Variants in GRIA4 observed in about 807,000 individuals in gnomAD.
The protein encoded by GRIA4 is glutamate receptor 4.
Under a neutral mutation model 104.0 loss-of-function variants are expected in GRIA4, and 34 were observed. The ratio of observed to expected loss-of-function variants is 0.33; its 90% CI spans 0.25 to 0.44. The LOEUF (loss-of-function observed/expected upper bound fraction) is 0.44, where lower values mean the gene tolerates loss of function less well. Among genes scored for constraint, GRIA4 ranks in the 20% least tolerant of loss-of-function variants. The pLI is 1.00. For synonymous variants in GRIA4, 386 were observed against 381.9 expected, an observed-to-expected ratio of 1.01 and a Z score of -0.13; for missense variants, 750 against 1,096.5, an observed-to-expected ratio of 0.68 and a Z score of 4.46.
intron 14 of GRIA4, among the ~76,000 whole-genome samples, chr11:105,938,346 C>CT (rs937324665): frequency 1.3e-5 from 2 of 151,936 alleles, no homozygotes; most frequent in Non-Finnish European, 2.9e-5. Flanking sequence ...ATATTTTAGT[C>CT]TTTTTTTGGT....
At chr11:105,930,273 T>C (rs1463098601) in intron 13 of GRIA4, among the ~76,000 whole-genome samples, 1 of 152,098 alleles carries the variant, frequency 6.6e-6, no homozygotes, top group Non-Finnish European at 1.5e-5. Context: ...CTTCATCCCA[T>C]TGTCCTGTGT....
intron 4 of GRIA4, among the ~76,000 whole-genome samples, chr11:105,805,159 T>G (rs72985193): frequency 1.1e-3 from 160 of 152,034 alleles, no homozygotes; most frequent in Non-Finnish European, 1.8e-3. Context: ...CTTTCCTTAT[T>G]CCATTTCTGT....
intron 4 of GRIA4, among the ~76,000 whole-genome samples, chr11:105,784,078 T>C (rs1283733587): frequency 1.3e-5 from 2 of 152,146 alleles, no homozygotes; most frequent in African/African-American, 2.4e-5. Flanking sequence ...CACAAGTAAA[T>C]GGAGACAATA....
At chr11:105,623,590 C>T (rs1950810398) in intron 3 of GRIA4, among the ~76,000 whole-genome samples, 1 of 151,984 alleles carries the variant, frequency 6.6e-6, no homozygotes, top group South Asian at 2.1e-4. Context: ...ACCTGCCATT[C>T]CCTTTTATTG....
chr11:105,665,211 A>T (rs1185178981), intron 3 of GRIA4, among the ~76,000 whole-genome samples: 1 of 152,004 alleles, frequency 6.6e-6, no homozygotes, highest in Non-Finnish European at 1.5e-5. Flanking sequence ...TGAGAGTCAA[A>T]TTATTATATA....
chr11:105,640,764 G>C (rs892338227), intron 3 of GRIA4, among the ~76,000 whole-genome samples: 4 of 152,014 alleles, frequency 2.6e-5, no homozygotes, highest in African/African-American at 9.6e-5. Context: ...AGTGTATGAT[G>C]ACATCCTTTT....
At chr11:105,713,125 G>A (rs1470320426) in intron 3 of GRIA4, among the ~76,000 whole-genome samples, 3 of 152,098 alleles carry the variant, frequency 2.0e-5, no homozygotes, top group African/African-American at 4.8e-5. Context: ...ACTCACTCCT[G>A]TAATTCCAGC....
In GRIA4 at chr11:105,610,295, G is replaced by T. The variant is rs952287398; in HGVS notation, c.-224G>T. 2.0e-5 allele frequency: 3 copies of T among 152,454 alleles called. No homozygotes were observed. The highest frequency in any genetic ancestry group is 6.5e-5 in the Admixed American group (1 of 15,286). The allele number at this position is 152,454 out of a possible 1,614,324, so 9.4% of individuals were successfully genotyped here. On this transcript the variant is annotated 5_prime_UTR_variant, in exon 1 of 17. Coordinates refer to ENST00000282499, the MANE Select transcript of GRIA4 (RefSeq NM_000829.4). Reference sequence around the variant, plus strand: ...GTGCCAGGAAAACCAAGAGAGGGGCGCTGGGGGTGCCCATCCCCAGAGTCG... The same window carrying T: ...GTGCCAGGAAAACCAAGAGAGGGGCTCTGGGGGTGCCCATCCCCAGAGTCG...
chr11:105,772,199 G>A (rs572413571), intron 4 of GRIA4, among the ~76,000 whole-genome samples: 1 of 152,234 alleles, frequency 6.6e-6, no homozygotes, highest in South Asian at 2.1e-4. Context: ...GATTATTCAC[G>A]ATTCTCCATC....
chr11:105,638,005 G>A (rs1242870419), intron 3 of GRIA4, among the ~76,000 whole-genome samples: 1 of 152,086 alleles, frequency 6.6e-6, no homozygotes, highest in Non-Finnish European at 1.5e-5. Flanking sequence ...ACAACATGAT[G>A]TTTTCTAAAT....
At chr11:105,757,026 A>G (rs796185566) in intron 4 of GRIA4, among the ~76,000 whole-genome samples, 4 of 152,282 alleles carry the variant, frequency 2.6e-5, no homozygotes, top group Admixed American at 6.5e-5. Context: ...GGAGCTTCCT[A>G]TGGAAATTCT....
At chr11:105,912,030 G>A (rs914371197) in intron 10 of GRIA4, 69 of 1,192,244 alleles carry the variant, frequency 5.8e-5, no homozygotes, top group Middle Eastern at 2.3e-4. Context: ...GACCAACTCT[G>A]GACTACCAGA....
chr11:105,894,682 G>T (rs776237634), intron 6 of GRIA4, among the ~76,000 whole-genome samples: 1 of 151,672 alleles, frequency 6.6e-6, no homozygotes, highest in Non-Finnish European at 1.5e-5. Context: ...GGGAAGGAAA[G>T]AAACAAATAA....
At chr11:105,872,491 C>G (rs949065912) in intron 5 of GRIA4, among the ~76,000 whole-genome samples, 3 of 152,180 alleles carry the variant, frequency 2.0e-5, no homozygotes, top group African/African-American at 7.2e-5. Context: ...AAATCTTCAC[C>G]AGGTGCTTAT....
intron 4 of GRIA4, among the ~76,000 whole-genome samples, chr11:105,803,941 T>G (rs1024941231): frequency 1.5e-4 from 22 of 151,572 alleles, no homozygotes; most frequent in African/African-American, 5.3e-4. Context: ...CTTTTACATT[T>G]GACCTTTCTT....
chr11:105,735,311 C>T (rs1033775072), intron 3 of GRIA4, among the ~76,000 whole-genome samples: 16 of 152,046 alleles, frequency 1.1e-4, no homozygotes, highest in African/African-American at 9.6e-5. Flanking sequence ...ACAAACAACT[C>T]GCTTGTCTTA....
At chr11:105,920,639 G>A (rs1947532961) in intron 11 of GRIA4, among the ~76,000 whole-genome samples, 1 of 152,126 alleles carries the variant, frequency 6.6e-6, no homozygotes, top group African/African-American at 2.4e-5. Context: ...TATGAAGGGA[G>A]TAGCATAATT....
intron 3 of GRIA4, among the ~76,000 whole-genome samples, chr11:105,642,650 A>T (rs1046455596): frequency 1.3e-5 from 2 of 151,754 alleles, no homozygotes; most frequent in African/African-American, 4.8e-5. Context: ...TCTAGACTAC[A>T]TGTCCTAGAT....
chr11:105,910,603 C>T, intron 10 of GRIA4, 58 bp downstream of exon 10: 2 of 877,230 alleles, frequency 2.3e-6, no homozygotes, highest in South Asian at 1.4e-5. Context: ...ATTTTAACTC[C>T]CCAGCGACGG....
Sources: gnomAD v4.1 joint callset for allele counts (sites outside exome capture counted in the v4.1 genomes callset) on GRCh38, gnomAD v4.1.1 for gene constraint, MANE v1.5 for transcripts, NCBI Gene and HGNC (gene_info 2026-07-23, HGNC 2026-07-21) for gene names.